OR8G1: variants seen among roughly 807,000 people sequenced by gnomAD.
OR8G1 encodes olfactory receptor 8G1.
For synonymous variants in OR8G1, 129 were observed against 133.3 expected, an observed-to-expected ratio of 0.97 and a Z score of 0.22; for missense variants, 372 against 356.2, an observed-to-expected ratio of 1.04 and a Z score of -0.36.
At chr11:124,243,806 GTC>G (rs1565314911) in intron 1 of OR8G1, among the ~76,000 whole-genome samples, 1 of 151,956 alleles carries the variant, frequency 6.6e-6, no homozygotes, top group African/African-American at 2.4e-5. Flanking sequence ...TCGACCCCTT[GTC>G]TCTCAGTAAT....
intron 1 of OR8G1, among the ~76,000 whole-genome samples, chr11:124,243,797 C>T (rs571447290): frequency 2.0e-5 from 3 of 152,022 alleles, no homozygotes; most frequent in African/African-American, 7.2e-5. Context: ...GGTCAGTATT[C>T]GACCCCTTGT....
At chr11:124,244,549 A>G (rs554402146) in intron 1 of OR8G1, among the ~76,000 whole-genome samples, 1 of 151,828 alleles carries the variant, frequency 6.6e-6, no homozygotes, top group African/African-American at 2.4e-5. Context: ...TGGCACATCT[A>G]TATTGAGCAA....
chr11:124,248,270 G>A (rs926180047), intron 2 of OR8G1, among the ~76,000 whole-genome samples: 1 of 151,746 alleles, frequency 6.6e-6, no homozygotes, highest in African/African-American at 2.4e-5. Flanking sequence ...TCAGATATAT[G>A]TATTTCCATA....
At chr11:124,245,845 A>G (rs2137746891) in intron 1 of OR8G1, among the ~76,000 whole-genome samples, 1 of 151,118 alleles carries the variant, frequency 6.6e-6, no homozygotes, top group African/African-American at 2.4e-5. Flanking sequence ...TCCTTCACCC[A>G]CTGTTTGATG....
intron 1 of OR8G1, among the ~76,000 whole-genome samples, chr11:124,243,320 G>A (rs1350686522): frequency 6.6e-6 from 1 of 151,808 alleles, no homozygotes; most frequent in Non-Finnish European, 1.5e-5. Context: ...TATATTTTGT[G>A]TACATGTAAA....
intron 1 of OR8G1, among the ~76,000 whole-genome samples, chr11:124,241,817 G>A (rs970763643): frequency 8.5e-5 from 13 of 152,100 alleles, no homozygotes; most frequent in African/African-American, 3.1e-4. Context: ...ACTGAAAGAA[G>A]CGAAGTGTTC....
intron 1 of OR8G1, among the ~76,000 whole-genome samples, chr11:124,242,952 G>A (rs1214356387): frequency 2.0e-5 from 3 of 151,922 alleles, no homozygotes; most frequent in Non-Finnish European, 2.9e-5. Flanking sequence ...AAGGGTGTGT[G>A]TAGACCATAC....
At position 124,250,435 on chromosome 11, in the gene OR8G1, T is replaced by C. The variant is rs1861859054; in HGVS notation, c.760T>C (p.Ser254Pro). 2.5e-6 allele frequency: 4 copies of C among 1,613,786 alleles called. No individual in the cohort carries two copies. Among genetic ancestry groups the C allele is most frequent in the Non-Finnish European group, 3.4e-6 (4 of 1,179,804 alleles). ...HMLAVVIFFGSAAFMYLQPSS... is the reference protein window; with the variant it reads ...HMLAVVIFFGPAAFMYLQPSS... Reference sequence around the variant, plus strand: ...GTTGGCGGTTGTAATCTTTTTTGGATCTGCAGCATTCATGTACTTGCAGCC... The same window carrying C: ...GTTGGCGGTTGTAATCTTTTTTGGACCTGCAGCATTCATGTACTTGCAGCC... The change falls in exon 3 of 3, where the codon TCT becomes CCT. Residue 254 changes from serine (S) to proline (P), a missense_variant. Physicochemically the swap from Ser to Pro is moderately conservative, Grantham distance 74. Transcript: ENST00000641972.
At chr11:124,243,102 A>C (rs1051193412) in intron 1 of OR8G1, among the ~76,000 whole-genome samples, 1 of 152,028 alleles carries the variant, frequency 6.6e-6, no homozygotes, top group African/African-American at 2.4e-5. Flanking sequence ...AAATGACTAA[A>C]AAAGTAGAGA....
intron 2 of OR8G1, among the ~76,000 whole-genome samples, chr11:124,248,936 A>C (rs1338558162): frequency 6.6e-6 from 1 of 152,160 alleles, no homozygotes; most frequent in Non-Finnish European, 1.5e-5. Flanking sequence ...GTCAAGACAC[A>C]AACGGGTTAT....
chr11:124,251,231 A>G lies in OR8G1; in HGVS notation c.*620A>G, dbSNP rs1218200527. 8.5e-5 allele frequency: 9 copies of G among 105,592 alleles called. 2 individuals carry two copies. Among genetic ancestry groups the G allele is most frequent in the Non-Finnish European group, 1.7e-4 (9 of 52,616 alleles). 6.5% of individuals were successfully genotyped at this position (105,592 alleles called of 1,614,324 possible). On this transcript the variant is annotated 3_prime_UTR_variant, in exon 3 of 3. Coordinates refer to ENST00000641972, the MANE Select transcript of OR8G1 (RefSeq NM_001002905.2). ...CTACACTGGACTTCAGTCTTCATGAAGATTCCCCCGTACATGTGGTTTATT... is the reference window on the plus strand; with the variant it reads ...CTACACTGGACTTCAGTCTTCATGAGGATTCCCCCGTACATGTGGTTTATT...
At chr11:124,241,767 A>G (rs1032163665) in intron 1 of OR8G1, among the ~76,000 whole-genome samples, 2 of 152,138 alleles carry the variant, frequency 1.3e-5, no homozygotes, top group Non-Finnish European at 2.9e-5. Flanking sequence ...TAAAAGAAAT[A>G]GCTAATGAAA....
Position 124,250,598 on chromosome 11 carries a change from G to T in OR8G1, c.923G>T (p.Arg308Ile). 1 of 448,114 alleles carries T rather than the reference G, an allele frequency of 2.2e-6. No individual in the cohort carries two copies. Among genetic ancestry groups the T allele is most frequent in the Non-Finnish European group, 2.9e-6 (1 of 340,370 alleles). The allele number at this position is 448,114 out of a possible 1,614,324, so 27.8% of individuals were successfully genotyped here. A position where few individuals can be genotyped will look rare whatever the true frequency, so the allele number is the denominator to read the frequency against. The change falls in exon 3 of 3, where the codon AGA becomes ATA. Residue 308 changes from arginine to isoleucine, a missense_variant. Transcript: ENST00000641972. ...HVSLKKMLQR[R>I]TLL ...TCCCTGAAGAAAATGCTACAGAGAA[G>T]AACATTATTGTAAACAGTAATAATA...
chr11:124,245,802 T>C (rs1435465273), intron 1 of OR8G1, among the ~76,000 whole-genome samples: 1 of 150,848 alleles, frequency 6.6e-6, no homozygotes, highest in Non-Finnish European at 1.5e-5. Context: ...TTTGGCTGCA[T>C]AAATGTCTTC....
Position 124,244,834 on chromosome 11 carries a change from A to G in OR8G1, c.-96-2967A>G, listed in dbSNP as rs181940212. The stretch of plus-strand genomic sequence containing the variant: ...CTAAAGAGATTACCAGAAGTAGCCA[A>G]TGATCCCTTCAGTGCTTTGTTGGTG... On this transcript the variant is annotated intron_variant, in intron 1 of 2. Coordinates refer to ENST00000641972, the MANE Select transcript of OR8G1 (RefSeq NM_001002905.2). Among the ~76,000 whole-genome samples, 281 of 152,060 alleles carry G rather than the reference A, an allele frequency of 1.8e-3. 4 individuals are homozygous for G. The highest frequency in any genetic ancestry group is 0.014 in the Middle Eastern group (4 of 294).
At position 124,250,246 on chromosome 11, in the gene OR8G1, A is replaced by ATC; in HGVS notation, c.571_572insTC (p.Ser191IlefsTer23). On this transcript the variant is annotated frameshift_variant, in exon 3 of 3. Transcript: ENST00000641972. LOFTEE classifies it low-confidence loss of function (END_TRUNC). ...TCCCCTCCTAAAGCTCTCTTGCTCT[A>ATC]GTATCTATGTCAACAAACTACTTAT... The ATC allele has an allele frequency of 6.2e-7, 1 of 1,613,746 alleles. No homozygotes were observed.
rs1403558726 is a variant in OR8G1, at chr11:124,252,871, C to A, written c.*2260C>A. ...CAAAGAATTCTTGCTCTTGGGGTCACCTTTACCCAGTAACAGTGAAAATTG... is the reference window on the plus strand; with the variant it reads ...CAAAGAATTCTTGCTCTTGGGGTCAACTTTACCCAGTAACAGTGAAAATTG... On this transcript the variant is annotated 3_prime_UTR_variant, in exon 3 of 3. Coordinates refer to ENST00000641972, the MANE Select transcript of OR8G1 (RefSeq NM_001002905.2). 1.3e-5 allele frequency: 2 copies of A among 152,150 alleles called. No individual in the cohort carries two copies. Among genetic ancestry groups the A allele is most frequent in the African/African-American group, 4.8e-5 (2 of 41,434 alleles). The allele number at this position is 152,150 out of a possible 1,614,324, so 9.4% of individuals were successfully genotyped here.
rs1345853888 is a variant in OR8G1 at position 124,249,724 on chromosome 11, C to T, written c.49C>T (p.Leu17Phe). The change falls in exon 3 of 3, where the codon CTC becomes TTC. Residue 17 changes from leucine (L) to phenylalanine (F), a missense_variant. Coordinates refer to ENST00000641972, the MANE Select transcript of OR8G1 (RefSeq NM_001002905.2). ...SSVTEFILAG[L>F]SEQPELQLPL... is the part of the protein sequence containing the mutation. Reference sequence around the variant, plus strand: ...AGTGACTGAGTTCATTCTGGCTGGGCTCTCAGAACAGCCAGAGCTCCAGCT... The same window carrying T: ...AGTGACTGAGTTCATTCTGGCTGGGTTCTCAGAACAGCCAGAGCTCCAGCT... The T allele has an allele frequency of 2.5e-6, 4 of 1,613,504 alleles. No individual in the cohort carries two copies. Among genetic ancestry groups the T allele is most frequent in the Middle Eastern group, 1.6e-4 (1 of 6,082 alleles).
chr11:124,251,802 A>G lies in OR8G1; in HGVS notation c.*1191A>G, dbSNP rs1381075253. On this transcript the variant is annotated 3_prime_UTR_variant, in exon 3 of 3. Coordinates refer to ENST00000641972, the MANE Select transcript of OR8G1 (RefSeq NM_001002905.2). ...GAACATAATTTTACCTGTGCTGGTAATGAGAAAATTCCTTGCTATGTAGAT... is the reference window on the plus strand; with the variant it reads ...GAACATAATTTTACCTGTGCTGGTAGTGAGAAAATTCCTTGCTATGTAGAT... 1 of 154,164 alleles carries G rather than the reference A, an allele frequency of 6.5e-6. No homozygotes were observed. Among genetic ancestry groups the G allele is most frequent in the Non-Finnish European group, 1.4e-5 (1 of 69,122 alleles). The allele number at this position is 154,164 out of a possible 1,614,324, so 9.5% of individuals were successfully genotyped here.
Sources: gnomAD v4.1 joint callset for allele counts (sites outside exome capture counted in the v4.1 genomes callset) on GRCh38, gnomAD v4.1.1 for gene constraint, MANE v1.5 for transcripts, NCBI Gene and HGNC (gene_info 2026-07-23, HGNC 2026-07-21) for gene names.